The following RNGTT variants were observed in gnomAD, a reference collection of about 807,000 sequenced individuals.
RNGTT encodes RNA guanylyltransferase and 5'-phosphatase.
A neutral mutation model predicts 79.3 loss-of-function variants in RNGTT; 33 were observed. That is an observed-to-expected ratio of 0.42 (90% CI 0.32 to 0.56). RNGTT has a LOEUF of 0.56. Ranked by LOEUF, RNGTT falls within the 20% of genes least tolerant of loss-of-function variation. The pLI is 0.17. For missense variants in RNGTT, 497 were observed against 739.1 expected (o/e 0.67, Z 3.80); for synonymous variants, 222 against 235.9 (o/e 0.94, Z 0.54).
chr6:88,688,828 T>G lies in RNGTT; in HGVS notation c.1440-10409A>C, dbSNP rs79711009. On this transcript the variant is annotated intron_variant, in intron 13 of 15. Transcript: ENST00000369485. Reference sequence around the variant, plus strand: ...AGACAGCAAGAACAACCCCTCCTCTTCCTCAGCCTTCACAATGATGACAAG... The same window carrying G: ...AGACAGCAAGAACAACCCCTCCTCTGCCTCAGCCTTCACAATGATGACAAG... Among the ~76,000 whole-genome samples, 569 of 152,286 alleles carry G rather than the reference T, an allele frequency of 3.7e-3. 5 individuals carry two copies. Among genetic ancestry groups the G allele is most frequent in the African/African-American group, 0.013 (553 of 41,562 alleles).
rs568860817 is a variant in RNGTT, at chr6:88,805,839, C to T, written c.1270-4207G>A. ...CTGTGGTACAGGGGAGCAGAGCCTACTGAAAGCTAAACGTGAAACAGAAAC... is the reference window on the plus strand; with the variant it reads ...CTGTGGTACAGGGGAGCAGAGCCTATTGAAAGCTAAACGTGAAACAGAAAC... On this transcript the variant is annotated intron_variant, in intron 11 of 15. Coordinates refer to ENST00000369485, the MANE Select transcript of RNGTT (RefSeq NM_003800.5). 8.5e-5 allele frequency among the ~76,000 whole-genome samples: 13 copies of T among 152,298 alleles called. No individual in the cohort carries two copies. The South Asian group carries it at 2.3e-3, about 27-fold the overall frequency.
At chr6:88,675,927 A>G (rs1774859004) in intron 14 of RNGTT, among the ~76,000 whole-genome samples, 1 of 152,224 alleles carries the variant, frequency 6.6e-6, no homozygotes, top group Admixed American at 6.5e-5. Flanking sequence ...ATAACTAGAG[A>G]GCAATGTGGC....
chr6:88,677,008 G>A (rs1474375405), intron 14 of RNGTT, among the ~76,000 whole-genome samples: 2 of 152,126 alleles, frequency 1.3e-5, no homozygotes, highest in African/African-American at 4.8e-5. Flanking sequence ...ATGCCCATCA[G>A]CAGGTGAAAG....
chr6:88,839,437 G>A (rs781151818), intron 11 of RNGTT, among the ~76,000 whole-genome samples: 1 of 152,082 alleles, frequency 6.6e-6, no homozygotes, highest in Non-Finnish European at 1.5e-5. Context: ...AGGAATGGTG[G>A]TTCCGGTCTA....
At chr6:88,706,410 C>T (rs1286982458) in intron 13 of RNGTT, among the ~76,000 whole-genome samples, 1 of 151,878 alleles carries the variant, frequency 6.6e-6, no homozygotes, top group Non-Finnish European at 1.5e-5. Context: ...GAAAAAAAGA[C>T]ACTGTAAATT....
chr6:88,769,953 T>A, intron 12 of RNGTT, 79 bp from the exon 13 acceptor site: 1 of 942,382 alleles, frequency 1.1e-6, no homozygotes, highest in African/African-American at 1.7e-5. Flanking sequence ...CTAATGTAAC[T>A]TTTTATTAAG....
chr6:88,938,806 G>T (rs1784752899), intron 2 of RNGTT, among the ~76,000 whole-genome samples: 1 of 152,206 alleles, frequency 6.6e-6, no homozygotes, highest in Admixed American at 6.5e-5. Context: ...GACCAGTCCA[G>T]TTGTGGTGAA....
At chr6:88,720,591 C>T (rs116531556) in intron 13 of RNGTT, among the ~76,000 whole-genome samples, 3,099 of 152,140 alleles carry the variant, frequency 0.02, 115 homozygotes, top group African/African-American at 0.069. Flanking sequence ...TAAATTTGAT[C>T]CCTAAAGCTC....
At chr6:88,895,240 T>TGTGG in intron 6 of RNGTT, among the ~76,000 whole-genome samples, 1 of 142,152 alleles carries the variant, frequency 7.0e-6, no homozygotes, top group South Asian at 2.2e-4. Context: ...TGTGTGTGTG[T>TGTGG]GTGTGTGTGT....
chr6:88,695,292 A>G (rs1350737653), intron 13 of RNGTT, among the ~76,000 whole-genome samples: 1 of 152,146 alleles, frequency 6.6e-6, no homozygotes, highest in Non-Finnish European at 1.5e-5. Flanking sequence ...CAAAATATAT[A>G]AGGAACTCAA....
chr6:88,615,678 T>C (rs1054511819), intron 14 of RNGTT, among the ~76,000 whole-genome samples: 2 of 152,226 alleles, frequency 1.3e-5, no homozygotes, highest in Non-Finnish European at 2.9e-5. Context: ...CTATACCACA[T>C]GTAAGGTCTA....
At chr6:88,932,834 C>A (rs1784551792) in intron 2 of RNGTT, among the ~76,000 whole-genome samples, 1 of 152,128 alleles carries the variant, frequency 6.6e-6, no homozygotes, top group African/African-American at 2.4e-5. Flanking sequence ...GAAACGCACA[C>A]CTAAACTGAG....
At chr6:88,926,908 T>A (rs1484288024) in intron 4 of RNGTT, among the ~76,000 whole-genome samples, 2 of 152,218 alleles carry the variant, frequency 1.3e-5, no homozygotes, top group Non-Finnish European at 2.9e-5. Context: ...TCTGATTATA[T>A]TTTCTAACTA....
chr6:88,782,802 T>C (rs1384835635), intron 12 of RNGTT, among the ~76,000 whole-genome samples: 1 of 152,156 alleles, frequency 6.6e-6, no homozygotes, highest in Non-Finnish European at 1.5e-5. Flanking sequence ...CTGCTCAGCA[T>C]TTCTAATCAG....
intron 13 of RNGTT, among the ~76,000 whole-genome samples, chr6:88,697,968 A>T (rs868702790): frequency 1.4e-4 from 15 of 107,250 alleles, no homozygotes; most frequent in Admixed American, 1.4e-3. Context: ...TATATATATG[A>T]AATACATATA....
intron 11 of RNGTT, among the ~76,000 whole-genome samples, chr6:88,806,290 G>T (rs188499763): frequency 5.9e-5 from 9 of 151,434 alleles, no homozygotes; most frequent in Admixed American, 1.3e-4. Context: ...AACAGATGCT[G>T]GCAACGTTGT....
chr6:88,855,622 GAGCTC>G (rs1207178515), intron 8 of RNGTT, among the ~76,000 whole-genome samples: 8 of 152,136 alleles, frequency 5.3e-5, no homozygotes, highest in Non-Finnish European at 8.8e-5. Context: ...AGCAGATGGA[GAGCTC>G]AGGCCCTTGC....
chr6:88,677,448 G>C (rs1014595158), intron 14 of RNGTT, among the ~76,000 whole-genome samples: 1 of 152,010 alleles, frequency 6.6e-6, no homozygotes, highest in Non-Finnish European at 1.5e-5. Flanking sequence ...TCTTCAATTA[G>C]ATCTCAAAAA....
In RNGTT at chr6:88,673,808, C is replaced by T. The variant is rs1004558303; in HGVS notation, c.1506+4545G>A. Among the ~76,000 whole-genome samples, 10 of 152,230 alleles carry T rather than the reference C, an allele frequency of 6.6e-5. 1 individual carries two copies. The highest frequency in any genetic ancestry group is 1.9e-4 in the African/African-American group (8 of 41,456). On this transcript the variant is annotated intron_variant, in intron 14 of 15. Transcript: ENST00000369485. ...ACTGTGCTTTTGAGACACCATGTAACTCACACCATGCACACAAAAAATTCT... is the reference window on the plus strand; with the variant it reads ...ACTGTGCTTTTGAGACACCATGTAATTCACACCATGCACACAAAAAATTCT...
Sources: gnomAD v4.1 joint callset for allele counts (sites outside exome capture counted in the v4.1 genomes callset) on GRCh38, gnomAD v4.1.1 for gene constraint, MANE v1.5 for transcripts, NCBI Gene and HGNC (gene_info 2026-07-23, HGNC 2026-07-21) for gene names.